The following GALNT13 variants were observed in gnomAD, a reference collection of about 807,000 sequenced individuals.
GALNT13 encodes the protein UDP-GalNAc:polypeptide N-acetylgalactosaminyltransferase 13.
GALNT13 carries 28 observed loss-of-function variants against 64.2 expected under a neutral mutation model. The observed-to-expected ratio is 0.44, with a 90% CI of 0.32 to 0.60. The LOEUF (loss-of-function observed/expected upper bound fraction) is 0.60. Among genes scored for constraint, GALNT13 ranks in the 20% least tolerant of loss-of-function variants. The pLI is 0.05. For synonymous variants in GALNT13, 214 were observed against 224.6 expected (o/e 0.95, Z 0.42); for missense variants, 577 against 669.8 (o/e 0.86, Z 1.53).
the GALNT13 span, among the ~76,000 whole-genome samples, chr2:153,603,507 G>A: frequency 1.3e-5 from 2 of 151,870 alleles, no homozygotes; most frequent in African/African-American, 4.8e-5. Context: ...GGTGATAATA[G>A]CTCTATTCTT....
the GALNT13 span, among the ~76,000 whole-genome samples, chr2:153,773,467 A>T: frequency 2.9e-4 from 44 of 152,344 alleles, no homozygotes; most frequent in African/African-American, 1.0e-3. Flanking sequence ...AATAGTTTAG[A>T]TCAGTGAGAT....
At chr2:153,766,494 G>A in the GALNT13 span, among the ~76,000 whole-genome samples, 1 of 151,992 alleles carries the variant, frequency 6.6e-6, no homozygotes, top group East Asian at 1.9e-4. Flanking sequence ...ATCCTATTAT[G>A]CATGGATTAG....
In GALNT13 at chr2:154,000,018, C is replaced by T. The variant is rs552739313; in HGVS notation, c.142+55379C>T. 2.2e-4 allele frequency among the ~76,000 whole-genome samples: 34 copies of T among 151,938 alleles called. No individual in the cohort carries two copies. In the South Asian group the frequency reaches 7.1e-3, roughly 32 times the overall value. On this transcript the variant is annotated intron_variant, in intron 3 of 12. Transcript: ENST00000392825. The stretch of plus-strand genomic sequence containing the variant: ...TTATTTGTTATTAATTGGCTCAGAT[C>T]TTCCATTACTTCATGATTTGATCTT...
At chr2:153,718,706 G>A in the GALNT13 span, among the ~76,000 whole-genome samples, 1 of 152,104 alleles carries the variant, frequency 6.6e-6, no homozygotes, top group Non-Finnish European at 1.5e-5. Context: ...CCAGCTGTGA[G>A]AAGTTACAGA....
chr2:153,377,447 C>T, the GALNT13 span, among the ~76,000 whole-genome samples: 7 of 152,142 alleles, frequency 4.6e-5, no homozygotes, highest in East Asian at 7.7e-4. Context: ...GGGTGGATCT[C>T]TTATGAATAG....
the GALNT13 span, among the ~76,000 whole-genome samples, chr2:153,121,306 G>A: frequency 6.6e-6 from 1 of 152,216 alleles, no homozygotes; most frequent in East Asian, 1.9e-4. Context: ...TCCTCCTGTG[G>A]AAATTAGTTT....
chr2:154,217,828 G>T (rs1173906292), intron 4 of GALNT13, among the ~76,000 whole-genome samples: 1 of 152,134 alleles, frequency 6.6e-6, no homozygotes, highest in Non-Finnish European at 1.5e-5. Context: ...CATATTTTAA[G>T]ATGTATTTTC....
chr2:153,710,785 A>C, the GALNT13 span, among the ~76,000 whole-genome samples: 1 of 152,100 alleles, frequency 6.6e-6, no homozygotes, highest in South Asian at 2.1e-4. Context: ...TTAACTGATC[A>C]ATGAATATGT....
chr2:153,622,352 G>A, the GALNT13 span, among the ~76,000 whole-genome samples: 8 of 152,030 alleles, frequency 5.3e-5, no homozygotes, highest in Non-Finnish European at 8.8e-5. Context: ...TTGTAACTAC[G>A]AGGCAAGAAT....
chr2:153,184,267 C>T, the GALNT13 span, among the ~76,000 whole-genome samples: 10 of 151,908 alleles, frequency 6.6e-5, no homozygotes, highest in Admixed American at 2.6e-4. Flanking sequence ...ATTTGGTTCT[C>T]GGCTTGCCTG....
At chr2:154,034,693 T>C (rs1698551184) in intron 3 of GALNT13, among the ~76,000 whole-genome samples, 1 of 152,180 alleles carries the variant, frequency 6.6e-6, no homozygotes, top group Non-Finnish European at 1.5e-5. Flanking sequence ...GAAAATGTGG[T>C]ATTTGGCTTT....
At chr2:154,295,540 T>C (rs1024527823) in intron 8 of GALNT13, among the ~76,000 whole-genome samples, 1 of 150,852 alleles carries the variant, frequency 6.6e-6, no homozygotes, top group African/African-American at 2.5e-5. Context: ...TAATTTTTTA[T>C]TTTTTTATTT....
At chr2:154,134,281 G>C (rs1410940044) in intron 3 of GALNT13, among the ~76,000 whole-genome samples, 1 of 152,126 alleles carries the variant, frequency 6.6e-6, no homozygotes, top group Non-Finnish European at 1.5e-5. Context: ...ATGAAAGAGA[G>C]TTATCTTACC....
At chr2:154,280,127 G>T (rs1158868284) in intron 8 of GALNT13, among the ~76,000 whole-genome samples, 4 of 152,140 alleles carry the variant, frequency 2.6e-5, no homozygotes, top group African/African-American at 9.7e-5. Context: ...CCAGGAGAAA[G>T]GCATCCTGTC....
chr2:153,993,553 C>T (rs990770727), intron 3 of GALNT13, among the ~76,000 whole-genome samples: 3 of 151,498 alleles, frequency 2.0e-5, no homozygotes, highest in Non-Finnish European at 4.4e-5. Context: ...AAAAATTAGC[C>T]GGGCATAGTG....
At chr2:153,873,342 C>T (rs1003596999) in intron 1 of GALNT13, among the ~76,000 whole-genome samples, 1 of 152,226 alleles carries the variant, frequency 6.6e-6, no homozygotes, top group African/African-American at 2.4e-5. Flanking sequence ...CTGCTGCGAA[C>T]CTGAGCGCAC....
chr2:153,500,432 A>C, the GALNT13 span, among the ~76,000 whole-genome samples: 1 of 152,220 alleles, frequency 6.6e-6, no homozygotes, highest in Non-Finnish European at 1.5e-5. Context: ...GATTGGCTTC[A>C]GTTAGCTCCT....
the GALNT13 span, among the ~76,000 whole-genome samples, chr2:153,691,761 A>G: frequency 6.6e-6 from 1 of 152,302 alleles, no homozygotes; most frequent in Middle Eastern, 3.4e-3. Context: ...ATGTGAAGCA[A>G]CTAGAACTCA....
chr2:154,080,465 G>A (rs1203245193), intron 3 of GALNT13, among the ~76,000 whole-genome samples: 2 of 151,548 alleles, frequency 1.3e-5, no homozygotes, highest in African/African-American at 2.4e-5. Context: ...GCAGGAAATT[G>A]CTCTGTAAAT....
Sources: gnomAD v4.1 joint callset for allele counts (sites outside exome capture counted in the v4.1 genomes callset) on GRCh38, gnomAD v4.1.1 for gene constraint, MANE v1.5 for transcripts, NCBI Gene and HGNC (gene_info 2026-07-23, HGNC 2026-07-21) for gene names.